Variants in CD99L2 observed in about 807,000 individuals in gnomAD.
The protein encoded by CD99L2 is CD99 antigen-like protein 2.
In CD99L2, 24 loss-of-function variants were observed where a neutral mutation model predicts 27.3. The observed-to-expected ratio is 0.88, with a 90% CI of 0.64 to 1.24. The LOEUF (loss-of-function observed/expected upper bound fraction) is 1.24, where lower values mean the gene tolerates loss of function less well. CD99L2 is among the 50% of genes most tolerant of loss of function. The pLI, the probability that CD99L2 is intolerant of heterozygous loss-of-function variation, is 0.00. For missense variants in CD99L2, 255 were observed against 221.6 expected, an observed-to-expected ratio of 1.15 and a Z score of -0.96; for synonymous variants, 97 against 87.9, an observed-to-expected ratio of 1.10 and a Z score of -0.58.
chrX:150,839,402 G>A (rs1557421313), intron 1 of CD99L2, among the ~76,000 whole-genome samples: 1 of 111,697 alleles, frequency 9.0e-6, no homozygotes, highest in African/African-American at 3.3e-5. Flanking sequence ...ATCTAGGATT[G>A]GATCCTGAAC....
rs782509551 is a variant in CD99L2, at chrX:150,796,375, A to G, written c.278-889T>C. Among the ~76,000 whole-genome samples, 20 of 112,662 alleles carry G rather than the reference A, an allele frequency of 1.8e-4. No homozygotes were observed. In the South Asian group the frequency reaches 1.8e-3, roughly 10 times the overall value. ...CAAAAACAATACAGTAAGTCAAGTCATAACCCAACAGTTCTCAGATGGAAT... is the reference window on the plus strand; with the variant it reads ...CAAAAACAATACAGTAAGTCAAGTCGTAACCCAACAGTTCTCAGATGGAAT... On this transcript the variant is annotated intron_variant, in intron 4 of 10. Transcript: ENST00000370377.
intron 1 of CD99L2, among the ~76,000 whole-genome samples, chrX:150,879,054 T>G (rs1275897634): frequency 8.9e-6 from 1 of 111,834 alleles, no homozygotes; most frequent in Non-Finnish European, 1.9e-5. Context: ...TCCTTCCAAT[T>G]CCACTCATCA....
intron 9 of CD99L2, among the ~76,000 whole-genome samples, chrX:150,770,670 C>T (rs917337968): frequency 8.8e-5 from 10 of 113,226 alleles, no homozygotes; most frequent in African/African-American, 3.2e-4. Context: ...GGCAGCTCCG[C>T]CCAGTGGAGG....
chrX:150,840,973 C>T (rs920382602), intron 1 of CD99L2, among the ~76,000 whole-genome samples: 113 of 111,695 alleles, frequency 1.0e-3, no homozygotes, highest in African/African-American at 3.5e-3. Flanking sequence ...TGCCAATTTT[C>T]TGAAAGTTTA....
intron 8 of CD99L2, chrX:150,776,989 A>G: frequency 6.3e-6 from 1 of 157,894 alleles, no homozygotes; most frequent in East Asian, 2.2e-4. Flanking sequence ...TCATAGGGAG[A>G]TAAGAGAAAG....
At chrX:150,886,038 G>C (rs1024819175) in intron 1 of CD99L2, among the ~76,000 whole-genome samples, 5 of 112,006 alleles carry the variant, frequency 4.5e-5, no homozygotes, top group African/African-American at 1.6e-4. Flanking sequence ...TCATCAAGGA[G>C]TCTAAGGTAT....
At chrX:150,771,716 G>C in intron 9 of CD99L2, 1 of 1,019,030 alleles carries the variant, frequency 9.8e-7, no homozygotes, top group East Asian at 3.3e-5. Context: ...GGAGGGAGAA[G>C]AGCGGCAAGG....
At chrX:150,772,224 G>A (rs1365327010) in intron 9 of CD99L2, among the ~76,000 whole-genome samples, 3 of 112,834 alleles carry the variant, frequency 2.7e-5, no homozygotes, top group South Asian at 3.6e-4. Context: ...ACGCAGCCCC[G>A]CCACGGAATG....
At chrX:150,787,888 G>GTGTA (rs1473718727) in intron 7 of CD99L2, among the ~76,000 whole-genome samples, 6 of 63,861 alleles carry the variant, frequency 9.4e-5, no homozygotes, top group East Asian at 1.2e-3. Context: ...AGAACTTAAA[G>GTGTA]TATATATATA....
chrX:150,866,948 A>G (rs782295363), intron 1 of CD99L2, among the ~76,000 whole-genome samples: 1 of 111,525 alleles, frequency 9.0e-6, no homozygotes, highest in South Asian at 3.7e-4. Flanking sequence ...TCTAAAATTT[A>G]AAAATCAAAA....
intron 4 of CD99L2, among the ~76,000 whole-genome samples, chrX:150,810,010 C>T (rs782077655): frequency 8.9e-6 from 1 of 111,901 alleles, no homozygotes; most frequent in Non-Finnish European, 1.9e-5. Flanking sequence ...CCATAATTAT[C>T]GTTGGGGAAA....
At chrX:150,889,030 G>A (rs936979293) in intron 1 of CD99L2, among the ~76,000 whole-genome samples, 1 of 112,923 alleles carries the variant, frequency 8.9e-6, no homozygotes. Flanking sequence ...TTCAACCTGG[G>A]AGAAAGGGGG....
intron 7 of CD99L2, among the ~76,000 whole-genome samples, chrX:150,781,323 C>T (rs1263192691): frequency 3.6e-5 from 4 of 111,580 alleles, no homozygotes; most frequent in Non-Finnish European, 3.8e-5. Context: ...AAAAGTACTC[C>T]GAGCACGCAG....
rs868919808 is a variant in CD99L2, at chrX:150,824,332, A to G, written c.130+6899T>C. On this transcript the variant is annotated intron_variant, in intron 2 of 10. Transcript: ENST00000370377. ...GGAGGAGGAGGAGGAGGAGGAGAAG[A>G]AGAAGAAGAAAGAAGGAAGAAGGAA... Among the ~76,000 whole-genome samples, 167 of 94,335 alleles carry G rather than the reference A, an allele frequency of 1.8e-3. 2 individuals carry two copies. The highest frequency in any genetic ancestry group is 6.5e-3 in the African/African-American group (155 of 23,978). The allele number at this position is 94,335 out of a possible 115,157, so 81.9% of individuals were successfully genotyped here.
At chrX:150,780,343 T>C (rs2045489637) in intron 7 of CD99L2, among the ~76,000 whole-genome samples, 1 of 112,080 alleles carries the variant, frequency 8.9e-6, no homozygotes, top group Admixed American at 9.4e-5. Flanking sequence ...CCCCTAAACA[T>C]TGCTAGCAGG....
At chrX:150,880,772 T>C (rs782807143) in intron 1 of CD99L2, among the ~76,000 whole-genome samples, 2 of 111,485 alleles carry the variant, frequency 1.8e-5, no homozygotes, top group South Asian at 7.6e-4. Context: ...CTTCTGTAGT[T>C]TAGAGGCAGT....
intron 2 of CD99L2, among the ~76,000 whole-genome samples, chrX:150,829,816 G>A (rs1416658704): frequency 9.0e-6 from 1 of 111,531 alleles, no homozygotes; most frequent in African/African-American, 3.3e-5. Flanking sequence ...GAAGGGTCAA[G>A]GGAAACCTTG....
intron 1 of CD99L2, among the ~76,000 whole-genome samples, chrX:150,888,707 A>T (rs1210212422): frequency 8.9e-6 from 1 of 112,404 alleles, no homozygotes; most frequent in Non-Finnish European, 1.9e-5. Flanking sequence ...GGGGCTATGT[A>T]AGAAGTTCAA....
chrX:150,787,329 C>T (rs1348614383), intron 7 of CD99L2, among the ~76,000 whole-genome samples: 4 of 111,695 alleles, frequency 3.6e-5, no homozygotes, highest in Non-Finnish European at 5.6e-5. Context: ...TATTGCCTAG[C>T]TTGTCTTCAG....
Sources: gnomAD v4.1 joint callset for allele counts (sites outside exome capture counted in the v4.1 genomes callset) on GRCh38, gnomAD v4.1.1 for gene constraint, MANE v1.5 for transcripts, NCBI Gene and HGNC (gene_info 2026-07-23, HGNC 2026-07-21) for gene names.